Variants in MED13L observed in about 807,000 individuals in gnomAD.
The protein encoded by MED13L is mediator of RNA polymerase II transcription subunit 13-like.
Under a neutral mutation model 220.9 loss-of-function variants are expected in MED13L, and 7 were observed. That is an observed-to-expected ratio of 0.03 (90% CI 0.02 to 0.06). The LOEUF (loss-of-function observed/expected upper bound fraction) is 0.06, where lower values mean the gene tolerates loss of function less well. MED13L is among the 10% of genes least tolerant of loss of function. The pLI, the probability that MED13L is intolerant of heterozygous loss-of-function variation, is 1.00. For missense variants in MED13L, 1,965 were observed against 2,760.5 expected (o/e 0.71, Z 6.46); for synonymous variants, 1,011 against 1,015.2 (o/e 1.00, Z 0.08).
intron 4 of MED13L, among the ~76,000 whole-genome samples, chr12:116,084,338 G>C (rs1486173376): frequency 6.6e-6 from 1 of 152,162 alleles, no homozygotes; most frequent in South Asian, 2.1e-4. Flanking sequence ...GAGCATACTC[G>C]TGTTCAAGTC....
intron 2 of MED13L, among the ~76,000 whole-genome samples, chr12:116,130,799 A>G (rs1298309719): frequency 6.6e-6 from 1 of 152,170 alleles, no homozygotes; most frequent in East Asian, 1.9e-4. Context: ...GTAGGTGTTG[A>G]ATATATGTGG....
chr12:116,153,650 A>G (rs2138102397), intron 2 of MED13L, among the ~76,000 whole-genome samples: 1 of 152,320 alleles, frequency 6.6e-6, no homozygotes, highest in South Asian at 2.1e-4. Flanking sequence ...CAGGAAGTAA[A>G]TGATTCCTTT....
intron 2 of MED13L, among the ~76,000 whole-genome samples, chr12:116,115,835 TA>T: frequency 6.6e-6 from 1 of 152,174 alleles, no homozygotes; most frequent in South Asian, 2.1e-4. Context: ...TAAAATGGCT[TA>T]AAAGAAAAAC....
intron 1 of MED13L, among the ~76,000 whole-genome samples, chr12:116,266,668 T>C (rs1280062892): frequency 1.3e-5 from 2 of 152,212 alleles, no homozygotes; most frequent in Admixed American, 1.3e-4. Context: ...ACAAGGTAAA[T>C]AGGCTAACCA....
chr12:116,226,597 G>A (rs903985388), intron 2 of MED13L, among the ~76,000 whole-genome samples: 1 of 152,186 alleles, frequency 6.6e-6, no homozygotes, highest in African/African-American at 2.4e-5. Flanking sequence ...GGCCAGGAGT[G>A]GCGGCTCACG....
At chr12:116,015,325 A>G (rs374841128) in intron 7 of MED13L, 51 bp from the exon 8 acceptor site, 1 of 1,554,206 alleles carries the variant, frequency 6.4e-7, no homozygotes, top group Non-Finnish European at 8.9e-7. Flanking sequence ...AAGGTTTCCT[A>G]CTTCATAGAC....
chr12:116,019,175 C>T (rs201569531), intron 7 of MED13L, 49 bp downstream of exon 7: 105 of 1,570,938 alleles, frequency 6.7e-5, no homozygotes, highest in Non-Finnish European at 7.8e-5. Context: ...GTAGACTATA[C>T]AATTGTCTGA....
In MED13L at chr12:115,991,925, G is replaced by A. The variant is rs773893622; in HGVS notation, c.3029C>T (p.Pro1010Leu). Residue 1010 changes from proline (P) to leucine (L), a missense_variant, in exon 17 of 31, where the codon CCA becomes CTA. By Grantham distance (98) the Pro-to-Leu change is moderately conservative. This residue lies in a region of MED13L where 233 missense variants were observed against 306.2 expected (regional missense o/e 0.76). Transcript: ENST00000281928. This position sits in a 1 kb window ranked among gnomAD's most constrained non-coding sequence, Gnocchi z 7.7. ...NVPSVGSLADPDYLNTPQMNT... is the reference protein window; with the variant it reads ...NVPSVGSLADLDYLNTPQMNT... The stretch of plus-strand genomic sequence containing the variant: ...CATCTGTGGTGTGTTCAGATAGTCT[G>A]GATCTGCTAGGCTCCCAACACTAGG... 2.5e-6 allele frequency: 4 copies of A among 1,599,780 alleles called. No homozygotes were observed. The African/African-American group carries it at 4.0e-5, about 16-fold the overall frequency.
chr12:116,032,661 A>G (rs1592968808), intron 4 of MED13L, among the ~76,000 whole-genome samples: 1 of 152,130 alleles, frequency 6.6e-6, no homozygotes, highest in Non-Finnish European at 1.5e-5. Context: ...AAATGCCAGC[A>G]CCTCATCAAG....
At chr12:116,098,549 A>G (rs927560041) in intron 3 of MED13L, among the ~76,000 whole-genome samples, 1 of 152,180 alleles carries the variant, frequency 6.6e-6, no homozygotes, top group Non-Finnish European at 1.5e-5. Flanking sequence ...TCAAGCCCTC[A>G]CCCAACTCAT....
At chr12:116,056,899 A>G (rs1869020960) in intron 4 of MED13L, among the ~76,000 whole-genome samples, 1 of 152,228 alleles carries the variant, frequency 6.6e-6, no homozygotes, top group South Asian at 2.1e-4. Flanking sequence ...TTCTTTCCTT[A>G]AAACTTAACA....
intron 2 of MED13L, among the ~76,000 whole-genome samples, chr12:116,124,502 G>A (rs1736942271): frequency 6.6e-6 from 1 of 151,708 alleles, no homozygotes; most frequent in Non-Finnish European, 1.5e-5. Context: ...AAAATAATTT[G>A]TTCTCTTCAC....
chr12:116,135,932 C>G (rs943419172), intron 2 of MED13L, among the ~76,000 whole-genome samples: 1 of 147,252 alleles, frequency 6.8e-6, no homozygotes, highest in African/African-American at 2.5e-5. Context: ...TGGACAGAGT[C>G]TCACTCTGTT....
At chr12:115,972,375 C>T (rs1208712058) in intron 25 of MED13L, 139 bp from the exon 26 acceptor site, 2 of 937,720 alleles carry the variant, frequency 2.1e-6, no homozygotes, top group Admixed American at 4.0e-5. Context: ...CATATGTTCC[C>T]CTCCTTGCTA....
intron 1 of MED13L, among the ~76,000 whole-genome samples, chr12:116,272,696 TA>T (rs1306581789): frequency 1.3e-5 from 2 of 152,132 alleles, no homozygotes; most frequent in Non-Finnish European, 2.9e-5. Flanking sequence ...TCCCAGTGAG[TA>T]CTTCAAGCAA....
At chr12:115,975,406 A>G in intron 24 of MED13L, 93 bp from the exon 25 acceptor site, 2 of 1,601,448 alleles carry the variant, frequency 1.2e-6, no homozygotes, top group Non-Finnish European at 1.7e-6. Context: ...ATTCCAAAGA[A>G]CCTATCCATG....
At chr12:116,117,764 A>T (rs1874652962) in intron 2 of MED13L, among the ~76,000 whole-genome samples, 1 of 152,178 alleles carries the variant, frequency 6.6e-6, no homozygotes, top group South Asian at 2.1e-4. Context: ...TTCATATCAA[A>T]CACTGTATAT....
intron 2 of MED13L, among the ~76,000 whole-genome samples, chr12:116,141,357 T>C (rs1342729364): frequency 6.6e-6 from 1 of 152,192 alleles, no homozygotes; most frequent in Non-Finnish European, 1.5e-5. Flanking sequence ...TTTTTTCATA[T>C]ATAGAAATCT....
chr12:116,267,245 T>C (rs2138577444), intron 1 of MED13L, among the ~76,000 whole-genome samples: 1 of 152,320 alleles, frequency 6.6e-6, no homozygotes, highest in South Asian at 2.1e-4. Context: ...CTGTGAATCA[T>C]ATATGGTTGT....
Sources: gnomAD v4.1 joint callset for allele counts (sites outside exome capture counted in the v4.1 genomes callset) on GRCh38, gnomAD v4.1.1 for gene constraint, gnomAD v4.1.1 regional missense constraint, Gnocchi (gnomAD v3.1) non-coding constraint, MANE v1.5 for transcripts, NCBI Gene and HGNC (gene_info 2026-07-23, HGNC 2026-07-21) for gene names.